MEA1: variants seen among roughly 807,000 people sequenced by gnomAD.
The protein encoded by MEA1 is Male-enhanced antigen (H-Y structural gene).
MEA1 carries 22 observed loss-of-function variants against 21.4 expected under a neutral mutation model. The observed-to-expected ratio is 1.03, with a 90% confidence interval of 0.73 to 1.47. The LOEUF is 1.47. Among genes scored for constraint, MEA1 ranks in the 40% most tolerant of loss-of-function variants. MEA1 has a pLI of 0.00. For synonymous variants in MEA1, 91 were observed against 85.5 expected (o/e 1.06, Z -0.35); for missense variants, 233 against 230.5 (o/e 1.01, Z -0.07).
Position 43,012,222 on chromosome 6 carries a change from G to A in MEA1, c.*248C>T. ...CCCAGGTTCCAGGGGCGCAGGCAGT[G>A]CGGCTTTTGGCTGTGTACATAGGGT... On this transcript the variant is annotated 3_prime_UTR_variant, in exon 4 of 4. Coordinates refer to ENST00000244711, the MANE Select transcript of MEA1 (RefSeq NM_014623.4). 8.5e-7 allele frequency: 1 copy of A among 1,180,040 alleles called. No individual in the cohort carries two copies. The highest frequency in any genetic ancestry group is 1.0e-6 in the Non-Finnish European group (1 of 953,330). 73.1% of individuals were successfully genotyped at this position (1,180,040 alleles called of 1,614,324 possible).
chr6:43,013,634 C>A, intron 1 of MEA1, 152 bp downstream of exon 1: 1 of 903,800 alleles, frequency 1.1e-6, no homozygotes, highest in Non-Finnish European at 1.7e-6. Flanking sequence ...CAACCGGAGG[C>A]CCTGCCACCT....
upstream of MEA1, among the ~76,000 whole-genome samples, chr6:43,014,928 A>C (rs1258638697): frequency 6.6e-6 from 1 of 152,190 alleles, no homozygotes; most frequent in Non-Finnish European, 1.5e-5. Flanking sequence ...GTGGTGATGG[A>C]GGACTGGGGA....
upstream of MEA1, among the ~76,000 whole-genome samples, chr6:43,015,744 G>C (rs1052864655): frequency 2.6e-5 from 4 of 151,620 alleles, no homozygotes; most frequent in African/African-American, 9.7e-5. Context: ...CAGCTACTTG[G>C]GAGGCTGAGG....
chr6:43,012,615 AC>A lies in MEA1; in HGVS notation c.412del (p.Val138Ter). The A allele has an allele frequency of 1.3e-6, 2 of 1,597,620 alleles. No homozygotes were observed. Among genetic ancestry groups the A allele is most frequent in the Non-Finnish European group, 1.7e-6 (2 of 1,173,712 alleles). On this transcript the variant is annotated frameshift_variant, in exon 4 of 4. Transcript: ENST00000244711. LOFTEE classifies it high-confidence loss of function. Reference sequence around the variant, plus strand: ...AGCCATTGTCCTTTTCACCAGCTCTACATGTTCTGAAATCAGAGCCAGAGGC... The same window carrying A: ...AGCCATTGTCCTTTTCACCAGCTCTAATGTTCTGAAATCAGAGCCAGAGGC... ...HSSIPMDPEH[V>X]ELVKRTMAGV...
Position 43,013,784 on chromosome 6 carries a change from A to G in MEA1, c.28+2T>C. 2 of 1,600,302 alleles carry G rather than the reference A, an allele frequency of 1.2e-6. No individual in the cohort carries two copies. Among genetic ancestry groups the G allele is most frequent in the Non-Finnish European group, 1.7e-6 (2 of 1,173,602 alleles). On this transcript the variant is annotated splice_donor_variant, in intron 1 of 3. Transcript: ENST00000244711. LOFTEE classifies it high-confidence loss of function. ...CCCTCTCCTAGAGGACCCCCTCTGTACCGCCTGACAGATGCCTTTCAGGCC... is the reference window on the plus strand; with the variant it reads ...CCCTCTCCTAGAGGACCCCCTCTGTGCCGCCTGACAGATGCCTTTCAGGCC...
Position 43,012,105 on chromosome 6 carries a change from C to A in MEA1, c.*365G>T. The A allele has an allele frequency of 1.4e-6, 1 of 691,186 alleles. No individual in the cohort carries two copies. Among genetic ancestry groups the A allele is most frequent in the Non-Finnish European group, 1.8e-6 (1 of 556,486 alleles). The allele number at this position is 691,186 out of a possible 1,614,324, so 42.8% of individuals were successfully genotyped here. On this transcript the variant is annotated 3_prime_UTR_variant, in exon 4 of 4. Transcript: ENST00000244711. The stretch of plus-strand genomic sequence containing the variant: ...GCCCCAAGCATGGCTCCTGCCAACA[C>A]CTATTTATTTCCTTGTTTGTGCTAT...
chr6:43,012,948 G>A lies in MEA1; in HGVS notation c.384C>T (p.His128=), dbSNP rs1427170054. 10 of 1,613,942 alleles carry A rather than the reference G, an allele frequency of 6.2e-6. No individual in the cohort carries two copies. The Admixed American group carries it at 1.2e-4, about 19-fold the overall frequency. ...TACCTGGGTCCATGGGAATAGAGCTGTGGTTGTTCAACGCTGTAGCTCCCT... is the reference window on the plus strand; with the variant it reads ...TACCTGGGTCCATGGGAATAGAGCTATGGTTGTTCAACGCTGTAGCTCCCT... ...DEEGATALNN[H]SSIPMDPEHV... Residue 128 remains histidine (H), a synonymous_variant, in exon 3 of 4, where the codon CAC becomes CAT. Coordinates refer to ENST00000244711, the MANE Select transcript of MEA1 (RefSeq NM_014623.4).
intron 3 of MEA1, 37 bp downstream of exon 3, chr6:43,012,889 T>A (rs747157468): frequency 1.3e-6 from 2 of 1,570,072 alleles, no homozygotes; most frequent in Non-Finnish European, 1.8e-6. Flanking sequence ...GTTCATTTCC[T>A]TAGTAATTAT....
At chr6:43,014,505 A>G (rs1256098461), upstream of MEA1, 1 of 480,134 alleles carries the variant, frequency 2.1e-6, no homozygotes, top group South Asian at 1.5e-5. Flanking sequence ...TGGGGAAAGC[A>G]GGGCTAGGGG....
rs1446538314 is a variant in MEA1 at position 43,011,497 on chromosome 6, C to G, written c.*973G>C. 1.6e-6 allele frequency: 1 copy of G among 639,576 alleles called. No homozygotes were observed. Among genetic ancestry groups the G allele is most frequent in the Non-Finnish European group, 2.7e-6 (1 of 377,138 alleles). The allele number at this position is 639,576 out of a possible 1,614,324, so 39.6% of individuals were successfully genotyped here. On this transcript the variant is annotated 3_prime_UTR_variant, in exon 4 of 4. Coordinates refer to ENST00000244711, the MANE Select transcript of MEA1 (RefSeq NM_014623.4). ...TGTTCATGCCTCCCTGTGGCTAGTA[C>G]AGGCTGAGCACTAAGATGCTTAGTG...
upstream of MEA1, among the ~76,000 whole-genome samples, chr6:43,015,110 G>A (rs1488758239): frequency 1.3e-5 from 2 of 152,160 alleles, no homozygotes; most frequent in Non-Finnish European, 2.9e-5. Flanking sequence ...GGGAAGAATA[G>A]AGAATATAAG....
In MEA1 at chr6:43,011,468, A is replaced by C; in HGVS notation, c.*1002T>G. On this transcript the variant is annotated 3_prime_UTR_variant, in exon 4 of 4. Coordinates refer to ENST00000244711, the MANE Select transcript of MEA1 (RefSeq NM_014623.4). ...ACAGAATGGTCCCTCTTCTCCCCAA[A>C]AGGTGTTCATGCCTCCCTGTGGCTA... The C allele has an allele frequency of 1.3e-6, 1 of 787,722 alleles. No homozygotes were observed. Among genetic ancestry groups the C allele is most frequent in the Non-Finnish European group, 2.0e-6 (1 of 508,276 alleles). 48.8% of individuals were successfully genotyped at this position (787,722 alleles called of 1,614,324 possible).
At chr6:43,012,762 C>G in intron 3 of MEA1, 141 bp from the exon 4 acceptor site, 4 of 1,236,424 alleles carry the variant, frequency 3.2e-6, no homozygotes, top group Non-Finnish European at 4.5e-6. Context: ...CTGCCCATCC[C>G]CAAAGCTAGC....
intron 3 of MEA1, 131 bp downstream of exon 3, chr6:43,012,795 C>T: frequency 8.1e-7 from 1 of 1,239,606 alleles, no homozygotes; most frequent in Non-Finnish European, 1.2e-6. Context: ...CACTTGGACT[C>T]TGAAGTCTAC....
chr6:43,011,458 T>C lies in MEA1; in HGVS notation c.*1012A>G. On this transcript the variant is annotated 3_prime_UTR_variant, in exon 4 of 4. Coordinates refer to ENST00000244711, the MANE Select transcript of MEA1 (RefSeq NM_014623.4). Reference sequence around the variant, plus strand: ...AGGGACACCCACAGAATGGTCCCTCTTCTCCCCAAAAGGTGTTCATGCCTC... The same window carrying C: ...AGGGACACCCACAGAATGGTCCCTCCTCTCCCCAAAAGGTGTTCATGCCTC... 1.1e-6 allele frequency: 1 copy of C among 879,582 alleles called. No homozygotes were observed. The highest frequency in any genetic ancestry group is 1.7e-6 in the Non-Finnish European group (1 of 588,518). 54.5% of individuals were successfully genotyped at this position (879,582 alleles called of 1,614,324 possible). A position where few individuals can be genotyped will look rare whatever the true frequency, so the allele number is the denominator to read the frequency against.
At position 43,013,385 on chromosome 6, in the gene MEA1, A is replaced by AG. The variant is rs760594395; in HGVS notation, c.32dup (p.Ala12CysfsTer16). The AG allele has an allele frequency of 6.2e-7, 1 of 1,612,376 alleles. No homozygotes were observed. Among genetic ancestry groups the AG allele is most frequent in the Non-Finnish European group, 8.5e-7 (1 of 1,179,364 alleles). On this transcript the variant is annotated frameshift_variant, in exon 2 of 4. Coordinates refer to ENST00000244711, the MANE Select transcript of MEA1 (RefSeq NM_014623.4). LOFTEE classifies it high-confidence loss of function. ...CTAGAACTACTGTTGCCATCCGGGC[A>AG]GGGGCTGCAAGAACAGGGAGGCGGT...
In MEA1 at chr6:43,013,524, C is replaced by T. The variant is rs1581870161; in HGVS notation, c.29-135G>A. The T allele has an allele frequency of 2.0e-5, 20 of 999,672 alleles. No homozygotes were observed. In the East Asian group the frequency reaches 5.2e-4, roughly 26 times the overall value. 61.9% of individuals were successfully genotyped at this position (999,672 alleles called of 1,614,324 possible). ...GAGGCTCCTGCATCCTCCACCCCTC[C>T]GCCCCAATTCCAGCCTCTCGTTCCT... On this transcript the variant is annotated intron_variant, in intron 1 of 3. Transcript: ENST00000244711.
chr6:43,013,858 C>T lies in MEA1; in HGVS notation c.-45G>A, dbSNP rs1450688597. The T allele has an allele frequency of 7.2e-6, 11 of 1,533,170 alleles. No individual in the cohort carries two copies. The highest frequency in any genetic ancestry group is 1.4e-5 in the African/African-American group (1 of 71,892). 95.0% of individuals were successfully genotyped at this position (1,533,170 alleles called of 1,614,324 possible). On this transcript the variant is annotated 5_prime_UTR_variant, in exon 1 of 4. Transcript: ENST00000244711. ...CCAGCTGCAGCGTCCCCCACCCGCC[C>T]CCATCCGAATCCCGGCGCCGGTGTT...
Position 43,013,319 on chromosome 6 carries a change from C to T in MEA1, c.99G>A (p.Gln33=). ...TMGPERIFPN[Q]TEELGHQGPS... ...GGCCCTGATGTCCCAGTTCCTCAGT[C>T]TGATTGGGGAAGATACGCTCAGGGC... Residue 33 remains glutamine, a synonymous_variant, in exon 2 of 4, where the codon CAG becomes CAA. Coordinates refer to ENST00000244711, the MANE Select transcript of MEA1 (RefSeq NM_014623.4). 1 of 1,614,106 alleles carries T rather than the reference C, an allele frequency of 6.2e-7. No homozygotes were observed. The highest frequency in any genetic ancestry group is 8.5e-7 in the Non-Finnish European group (1 of 1,180,020).
Sources: gnomAD v4.1 joint callset for allele counts (sites outside exome capture counted in the v4.1 genomes callset) on GRCh38, gnomAD v4.1.1 for gene constraint, MANE v1.5 for transcripts, NCBI Gene and HGNC (gene_info 2026-07-23, HGNC 2026-07-21) for gene names.